The following UGT1A7 variants were observed in gnomAD, a reference collection of about 807,000 sequenced individuals.
UGT1A7 encodes the protein UDP glucuronosyltransferase family 1 member A7.
In UGT1A7, 33 loss-of-function variants were observed where a neutral mutation model predicts 45.6. The ratio of observed to expected loss-of-function variants is 0.72; its 90% CI spans 0.55 to 0.97. The LOEUF is 0.97. Ranked by LOEUF, UGT1A7 falls within the 50% of genes least tolerant of loss-of-function variation. The pLI is 0.00. For missense variants in UGT1A7, 684 were observed against 666.2 expected (o/e 1.03, Z -0.29); for synonymous variants, 274 against 250.6 (o/e 1.09, Z -0.88).
intron 1 of UGT1A7, among the ~76,000 whole-genome samples, chr2:233,709,507 T>C (rs1264085569): frequency 2.6e-5 from 4 of 152,174 alleles, no homozygotes; most frequent in Admixed American, 2.0e-4. Context: ...TGCCTCTTGC[T>C]CTCTTTTAGG....
intron 1 of UGT1A7, chr2:233,689,902 C>T (rs1353879284): frequency 4.4e-6 from 2 of 456,644 alleles, no homozygotes; most frequent in Non-Finnish European, 8.8e-6. Flanking sequence ...TTCTCAGGGC[C>T]AGGTAGGTGC....
intron 1 of UGT1A7, chr2:233,756,414 T>G (rs1696206608): frequency 6.6e-6 from 1 of 152,212 alleles, no homozygotes; most frequent in African/African-American, 2.4e-5. Flanking sequence ...ATTTGTATTA[T>G]TTGTACTGTT....
chr2:233,696,492 G>A (rs181370414), intron 1 of UGT1A7, among the ~76,000 whole-genome samples: 10 of 152,182 alleles, frequency 6.6e-5, no homozygotes, highest in Admixed American at 1.3e-4. Context: ...CAACTTTACC[G>A]AATTTGCTTG....
At position 233,729,976 on chromosome 2, in the gene UGT1A7, A is replaced by G. The variant is rs201645683; in HGVS notation, c.856-37058A>G. The G allele has an allele frequency of 5.4e-5, 87 of 1,614,040 alleles. No individual in the cohort carries two copies. The highest frequency in any genetic ancestry group is 3.6e-4 in the East Asian group (16 of 44,888). On this transcript the variant is annotated intron_variant, in intron 1 of 4. Transcript: ENST00000373426. ...CATTGGGGGCATCAACTGTGCCAACAGGAAGCCACTATCTCAGGTCTGTAT... is the reference window on the plus strand; with the variant it reads ...CATTGGGGGCATCAACTGTGCCAACGGGAAGCCACTATCTCAGGTCTGTAT...
At position 233,682,011 on chromosome 2, in the gene UGT1A7, C is replaced by T; in HGVS notation, c.74C>T (p.Ala25Val). 7 of 1,614,162 alleles carry T rather than the reference C, an allele frequency of 4.3e-6. No individual in the cohort carries two copies. Among genetic ancestry groups the T allele is most frequent in the Non-Finnish European group, 5.9e-6 (7 of 1,180,016 alleles). ...CTGCTGACCTGTGGCTTTGCCAAGG[C>T]AGGGAAGCTGCTGGTAGTGCCCATG... ...CLLLTCGFAK[A>V]GKLLVVPMDG... is the part of the protein sequence containing the mutation. Residue 25 changes from alanine (A) to valine (V), a missense_variant, in exon 1 of 5, where the codon GCA becomes GTA. Physicochemically the swap from Ala to Val is moderately conservative, Grantham distance 64. Coordinates refer to ENST00000373426, the MANE Select transcript of UGT1A7 (RefSeq NM_019077.3).
intron 1 of UGT1A7, among the ~76,000 whole-genome samples, chr2:233,695,423 CT>C (rs2075287653): frequency 2.6e-5 from 2 of 76,322 alleles, no homozygotes; most frequent in Non-Finnish European, 6.4e-5. Context: ...CGCGCCCGGC[CT>C]TCTTCTTCTT....
At chr2:233,714,382 T>C (rs1323098990) in intron 1 of UGT1A7, among the ~76,000 whole-genome samples, 2 of 152,130 alleles carry the variant, frequency 1.3e-5, no homozygotes, top group Non-Finnish European at 2.9e-5. Context: ...TTCAGTGGAA[T>C]TGGGCCAATG....
At chr2:233,739,447 A>G (rs1387114794) in intron 1 of UGT1A7, among the ~76,000 whole-genome samples, 2 of 152,208 alleles carry the variant, frequency 1.3e-5, no homozygotes, top group East Asian at 3.8e-4. Flanking sequence ...CTGCAAAGCC[A>G]CAGGGTTGGA....
Position 233,725,059 on chromosome 2 carries a change from C to G in UGT1A7, c.856-41975C>G, listed in dbSNP as rs1273678780. Among the ~76,000 whole-genome samples the G allele has an allele frequency of 1.3e-3, 185 of 147,066 alleles. 18 individuals carry two copies. In the East Asian group the frequency reaches 0.027, roughly 21 times the overall value. ...AAAACCAGTCAGGCGTGGCGGCGCG[C>G]GCCTGCAATCGCAGGCACTCGGCAG... On this transcript the variant is annotated intron_variant, in intron 1 of 4. Coordinates refer to ENST00000373426, the MANE Select transcript of UGT1A7 (RefSeq NM_019077.3).
chr2:233,768,515 C>T (rs548796271), intron 4 of UGT1A7, 76 bp downstream of exon 4: 42 of 1,546,024 alleles, frequency 2.7e-5, no homozygotes, highest in African/African-American at 1.8e-4. Context: ...AAAACATTTA[C>T]GTAGCATTTA....
At chr2:233,749,246 T>A (rs765293150) in intron 1 of UGT1A7, among the ~76,000 whole-genome samples, 1 of 151,940 alleles carries the variant, frequency 6.6e-6, no homozygotes, top group East Asian at 1.9e-4. Flanking sequence ...TCAAACCACA[T>A]GATTTTTTTA....
intron 1 of UGT1A7, among the ~76,000 whole-genome samples, chr2:233,687,568 A>C (rs6754100): frequency 0.67 from 95,836 of 142,336 alleles, 33,409 homozygotes; most frequent in African/African-American, 0.84. Flanking sequence ...AGAATTCAAG[A>C]CCATACATTC....
In UGT1A7 at chr2:233,768,276, A is replaced by T. The variant is rs771550944; in HGVS notation, c.1132A>T (p.Ser378Cys). The T allele has an allele frequency of 3.1e-6, 5 of 1,614,024 alleles. No homozygotes were observed. In the African/African-American group the frequency reaches 6.7e-5, roughly 22 times the overall value. Residue 378 changes from serine (S) to cysteine (C), a missense_variant, in exon 4 of 5, where the codon AGC becomes TGC. Coordinates refer to ENST00000373426, the MANE Select transcript of UGT1A7 (RefSeq NM_019077.3). ...TGCTGGTTCCCATGGTGTTTATGAA[A>T]GCATATGCAATGGCGTTCCCATGGT... ...THAGSHGVYE[S>C]ICNGVPMVMM... is the part of the protein sequence containing the mutation.
intron 1 of UGT1A7, chr2:233,729,725 C>G (rs780989099): frequency 1.1e-5 from 18 of 1,613,850 alleles, no homozygotes; most frequent in Non-Finnish European, 1.4e-5. Context: ...TTACTAACAA[C>G]CAATTCAGAC....
At chr2:233,728,549 A>T (rs966013125) in intron 1 of UGT1A7, among the ~76,000 whole-genome samples, 3 of 152,184 alleles carry the variant, frequency 2.0e-5, no homozygotes, top group Non-Finnish European at 4.4e-5. Context: ...GTCCTCTCTG[A>T]TCCTTACAAG....
chr2:233,771,872 A>G (rs1206206288), intron 4 of UGT1A7, among the ~76,000 whole-genome samples: 1 of 140,570 alleles, frequency 7.1e-6, no homozygotes, highest in East Asian at 2.2e-4. Flanking sequence ...AACATTTATT[A>G]AGAATAAGTT....
intron 1 of UGT1A7, among the ~76,000 whole-genome samples, chr2:233,746,796 G>A (rs1217306288): frequency 1.3e-5 from 2 of 151,816 alleles, no homozygotes; most frequent in Admixed American, 1.3e-4. Flanking sequence ...TAATTCATGA[G>A]CGTGAATGTG....
chr2:233,772,879 G>T lies in UGT1A7; in HGVS notation c.*320G>T. The stretch of plus-strand genomic sequence containing the variant: ...AAACATGGCCTGTTTGGGAGTGCGG[G>T]ATTCAAAGGTGGTCCCACGGCTGCC... On this transcript the variant is annotated 3_prime_UTR_variant, in exon 5 of 5. Transcript: ENST00000373426. The T allele has an allele frequency of 1.7e-6, 1 of 580,054 alleles. No individual in the cohort carries two copies. The allele number at this position is 580,054 out of a possible 1,614,324, so 35.9% of individuals were successfully genotyped here. A position where few individuals can be genotyped will look rare whatever the true frequency, so the allele number is the denominator to read the frequency against.
At chr2:233,691,028 C>T in intron 1 of UGT1A7, 1 of 991,438 alleles carries the variant, frequency 1.0e-6, no homozygotes, top group Non-Finnish European at 1.2e-6. Flanking sequence ...TGGAAGGGCT[C>T]AGACCAACGT....
Sources: gnomAD v4.1 joint callset for allele counts (sites outside exome capture counted in the v4.1 genomes callset) on GRCh38, gnomAD v4.1.1 for gene constraint, MANE v1.5 for transcripts, NCBI Gene and HGNC (gene_info 2026-07-23, HGNC 2026-07-21) for gene names.